Variants in KIAA0232 observed in about 807,000 individuals in gnomAD.
KIAA0232 encodes KIAA0232.
KIAA0232 carries 27 observed loss-of-function variants against 122.0 expected under a neutral mutation model. The observed-to-expected ratio is 0.22, with a 90% CI of 0.16 to 0.31. The LOEUF is 0.31. KIAA0232 is among the 10% of genes least tolerant of loss of function. The pLI is 1.00. For missense variants in KIAA0232, 1,551 were observed against 1,634.2 expected, an observed-to-expected ratio of 0.95 and a Z score of 0.88; for synonymous variants, 613 against 587.6, an observed-to-expected ratio of 1.04 and a Z score of -0.63.
At chr4:6,849,672 A>G (rs1720169095) in intron 4 of KIAA0232, among the ~76,000 whole-genome samples, 1 of 152,074 alleles carries the variant, frequency 6.6e-6, no homozygotes, top group South Asian at 2.1e-4. Context: ...CCAGCTACTC[A>G]GGAGGCTGAG....
At chr4:6,825,509 T>C (rs1417161148) in intron 3 of KIAA0232, among the ~76,000 whole-genome samples, 1 of 152,058 alleles carries the variant, frequency 6.6e-6, no homozygotes, top group Non-Finnish European at 1.5e-5. Context: ...CAGCCATGAT[T>C]GCGCCATTGC....
chr4:6,875,652 CA>C (rs1467593009), intron 8 of KIAA0232, among the ~76,000 whole-genome samples: 1 of 152,188 alleles, frequency 6.6e-6, no homozygotes, highest in Non-Finnish European at 1.5e-5. Flanking sequence ...GTCATCTCGT[CA>C]AACTACCTTG....
intron 1 of KIAA0232, among the ~76,000 whole-genome samples, chr4:6,784,937 ATTTTT>A (rs10563839): frequency 7.4e-6 from 1 of 135,528 alleles, no homozygotes; most frequent in Non-Finnish European, 1.6e-5. Flanking sequence ...GATCAGATGA[ATTTTT>A]TTTTTTTTTT....
chr4:6,843,927 CTTTTTTTT>C (rs373793407), intron 4 of KIAA0232, among the ~76,000 whole-genome samples: 1 of 46,358 alleles, frequency 2.2e-5, no homozygotes, highest in Non-Finnish European at 4.3e-5. Context: ...AGTTACCCAT[CTTTTTTTT>C]TTTTTTTTTT....
At chr4:6,867,246 A>G (rs954140582) in intron 7 of KIAA0232, among the ~76,000 whole-genome samples, 2 of 152,206 alleles carry the variant, frequency 1.3e-5, no homozygotes, top group African/African-American at 4.8e-5. Flanking sequence ...ATGCTGTGGG[A>G]ACCTGCAGGA....
chr4:6,828,494 T>C (rs1718810080), intron 3 of KIAA0232, among the ~76,000 whole-genome samples: 1 of 152,232 alleles, frequency 6.6e-6, no homozygotes, highest in African/African-American at 2.4e-5. Flanking sequence ...TTTTCACACA[T>C]TTGCTTTCTT....
intron 6 of KIAA0232, 125 bp from the exon 7 acceptor site, chr4:6,860,776 C>T (rs750438786): frequency 2.4e-6 from 2 of 832,554 alleles, no homozygotes; most frequent in Non-Finnish European, 3.8e-6. Flanking sequence ...GTTAATGATT[C>T]TTGGATGATG....
chr4:6,802,761 T>C (rs1295237470), intron 1 of KIAA0232, among the ~76,000 whole-genome samples: 2 of 152,090 alleles, frequency 1.3e-5, no homozygotes, highest in Non-Finnish European at 2.9e-5. Flanking sequence ...AGGTGTGGTA[T>C]GTTGGTGATG....
chr4:6,878,648 G>C (rs1249477188), intron 9 of KIAA0232, among the ~76,000 whole-genome samples: 1 of 152,080 alleles, frequency 6.6e-6, no homozygotes. Flanking sequence ...AAGCACCTCA[G>C]CAGGTTGTGG....
intron 2 of KIAA0232, among the ~76,000 whole-genome samples, chr4:6,805,701 T>C (rs867849298): frequency 3.9e-5 from 6 of 152,170 alleles, no homozygotes; most frequent in African/African-American, 7.2e-5. Flanking sequence ...CACTATGATA[T>C]AGTATTTTAT....
At chr4:6,868,669 C>T (rs143610785) in intron 7 of KIAA0232, among the ~76,000 whole-genome samples, 298 of 152,294 alleles carry the variant, frequency 2.0e-3, no homozygotes, top group African/African-American at 6.8e-3. Context: ...CAGCTTCCTC[C>T]ATTGTCTCTT....
intron 8 of KIAA0232, among the ~76,000 whole-genome samples, chr4:6,872,479 T>G (rs1399552769): frequency 6.6e-6 from 1 of 152,196 alleles, no homozygotes; most frequent in Non-Finnish European, 1.5e-5. Context: ...ATTTTTTGAA[T>G]GAGCAGTCTG....
chr4:6,837,699 G>A (rs1039902534), intron 3 of KIAA0232, among the ~76,000 whole-genome samples: 12 of 152,236 alleles, frequency 7.9e-5, no homozygotes, highest in African/African-American at 2.9e-4. Context: ...ATCACTCGCG[G>A]TCAGAAGCTG....
At chr4:6,795,394 CA>C (rs1237334556) in intron 1 of KIAA0232, among the ~76,000 whole-genome samples, 2 of 152,114 alleles carry the variant, frequency 1.3e-5, no homozygotes, top group Non-Finnish European at 2.9e-5. Flanking sequence ...TTGAACTTTG[CA>C]TGCAGCTAAT....
At chr4:6,798,479 A>G (rs892938080) in intron 1 of KIAA0232, among the ~76,000 whole-genome samples, 1 of 152,164 alleles carries the variant, frequency 6.6e-6, no homozygotes, top group African/African-American at 2.4e-5. Context: ...GAACAACACT[A>G]GGTTAGGTAA....
intron 1 of KIAA0232, among the ~76,000 whole-genome samples, chr4:6,785,342 C>T (rs1716571167): frequency 6.6e-6 from 1 of 152,166 alleles, no homozygotes; most frequent in Non-Finnish European, 1.5e-5. Context: ...TTAGATTGTT[C>T]TTGTTCTTTA....
chr4:6,859,620 T>A (rs2108792308), intron 6 of KIAA0232, among the ~76,000 whole-genome samples: 1 of 152,366 alleles, frequency 6.6e-6, no homozygotes, highest in East Asian at 1.9e-4. Flanking sequence ...TTAATGTGCC[T>A]ACTAGAACAC....
chr4:6,817,251 A>G (rs1427234335), intron 2 of KIAA0232, among the ~76,000 whole-genome samples: 1 of 152,270 alleles, frequency 6.6e-6, no homozygotes, highest in East Asian at 1.9e-4. Flanking sequence ...TATTCAGTTC[A>G]AAATATAGTA....
chr4:6,808,600 T>C (rs1717742019), intron 2 of KIAA0232, among the ~76,000 whole-genome samples: 1 of 151,512 alleles, frequency 6.6e-6, no homozygotes, highest in Admixed American at 6.6e-5. Context: ...GTCATGATTG[T>C]CTCGATATCA....
Sources: gnomAD v4.1 joint callset for allele counts (sites outside exome capture counted in the v4.1 genomes callset) on GRCh38, gnomAD v4.1.1 for gene constraint, MANE v1.5 for transcripts, NCBI Gene and HGNC (gene_info 2026-07-23, HGNC 2026-07-21) for gene names.